Variants in CDH13 observed in about 807,000 individuals in gnomAD.
The protein encoded by CDH13 is cadherin 13.
Under a neutral mutation model 63.8 loss-of-function variants are expected in CDH13, and 24 were observed. The ratio of observed to expected loss-of-function variants is 0.38; its 90% CI spans 0.27 to 0.53. The LOEUF (loss-of-function observed/expected upper bound fraction) is 0.53, where lower values mean the gene tolerates loss of function less well. Among genes scored for constraint, CDH13 ranks in the 20% least tolerant of loss-of-function variants. The probability of loss-of-function intolerance (pLI) is 0.85; values close to 1 mark genes in which losing one functional copy is unlikely to be tolerated. For missense variants in CDH13, 1,049 were observed against 903.1 expected (o/e 1.16, Z -2.07); for synonymous variants, 503 against 355.3 (o/e 1.42, Z -4.67).
intron 10 of CDH13, among the ~76,000 whole-genome samples, chr16:83,714,579 T>C (rs543281458): frequency 1.2e-4 from 18 of 152,322 alleles, no homozygotes; most frequent in African/African-American, 4.1e-4. Context: ...CTTTTACCTA[T>C]TGACTTGGAT....
intron 1 of CDH13, among the ~76,000 whole-genome samples, chr16:82,785,150 G>T (rs954866910): frequency 6.6e-6 from 1 of 152,140 alleles, no homozygotes; most frequent in African/African-American, 2.4e-5. Context: ...GCTTGCGTTC[G>T]GGGCTGGCAG....
At chr16:82,796,388 T>C (rs1462034) in intron 1 of CDH13, among the ~76,000 whole-genome samples, 27,228 of 152,086 alleles carry the variant, frequency 0.18, 2,693 homozygotes, top group East Asian at 0.34. Context: ...ATTCCCTAAA[T>C]AGCCCCGATT....
intron 7 of CDH13, among the ~76,000 whole-genome samples, chr16:83,493,734 A>C (rs1240504502): frequency 1.2e-4 from 19 of 152,246 alleles, no homozygotes. Flanking sequence ...ATCCTACTGT[A>C]AATGGGAAAC....
chr16:83,381,448 A>AT (rs2091565460), intron 6 of CDH13, among the ~76,000 whole-genome samples: 1 of 151,926 alleles, frequency 6.6e-6, no homozygotes, highest in African/African-American at 2.4e-5. Context: ...CATGTTCATG[A>AT]TTTTTTAGCA....
chr16:83,673,050 A>G (rs892745789), intron 9 of CDH13, among the ~76,000 whole-genome samples: 7 of 152,236 alleles, frequency 4.6e-5, no homozygotes, highest in Admixed American at 3.9e-4. Context: ...GCTAGTCCCC[A>G]TGAATAATAT....
At chr16:82,864,166 T>C (rs2040041409) in intron 2 of CDH13, among the ~76,000 whole-genome samples, 1 of 152,226 alleles carries the variant, frequency 6.6e-6, no homozygotes. Context: ...TTTTTGCTCT[T>C]CACTTTTCTG....
intron 4 of CDH13, among the ~76,000 whole-genome samples, chr16:83,132,487 C>T (rs1404642749): frequency 2.5e-5 from 3 of 121,262 alleles, no homozygotes; most frequent in Non-Finnish European, 3.2e-5. Flanking sequence ...CTTTCTCTGT[C>T]ACCAGGCTGG....
At chr16:82,708,741 G>C (rs2031686757) in intron 1 of CDH13, among the ~76,000 whole-genome samples, 1 of 152,164 alleles carries the variant, frequency 6.6e-6, no homozygotes. Flanking sequence ...TATCCAATCA[G>C]ATGACGCTGG....
chr16:83,148,717 T>G (rs1215759604), intron 4 of CDH13, among the ~76,000 whole-genome samples: 1 of 152,230 alleles, frequency 6.6e-6, no homozygotes, highest in Non-Finnish European at 1.5e-5. Flanking sequence ...TCTTTGTACG[T>G]AGGAGTTTTA....
At chr16:82,874,577 A>T (rs1371948914) in intron 2 of CDH13, among the ~76,000 whole-genome samples, 1 of 152,122 alleles carries the variant, frequency 6.6e-6, no homozygotes. Context: ...CAGAGGATCT[A>T]TTTTTAGCTA....
chr16:83,632,672 C>A (rs1015250459), intron 8 of CDH13, among the ~76,000 whole-genome samples: 2 of 149,694 alleles, frequency 1.3e-5, no homozygotes, highest in Non-Finnish European at 3.0e-5. Flanking sequence ...GGGTCCAGAT[C>A]CAGATCCCAA....
At chr16:83,065,211 C>T (rs2031904427) in intron 3 of CDH13, among the ~76,000 whole-genome samples, 2 of 152,086 alleles carry the variant, frequency 1.3e-5, no homozygotes, top group South Asian at 4.1e-4. Flanking sequence ...AGAAGTTATC[C>T]CTGAGGAATC....
intron 10 of CDH13, among the ~76,000 whole-genome samples, chr16:83,728,435 T>G (rs1189227029): frequency 1.3e-5 from 2 of 151,966 alleles, no homozygotes; most frequent in African/African-American, 4.8e-5. Context: ...GTTCAATAGC[T>G]CCTGCCAATA....
chr16:83,061,769 C>G (rs900649931), intron 3 of CDH13, among the ~76,000 whole-genome samples: 1 of 152,186 alleles, frequency 6.6e-6, no homozygotes, highest in Non-Finnish European at 1.5e-5. Flanking sequence ...AGCCTCACCC[C>G]AGATACGGCA....
intron 7 of CDH13, among the ~76,000 whole-genome samples, chr16:83,576,749 G>C (rs6563938): frequency 0.64 from 97,651 of 152,040 alleles, 31,480 homozygotes; most frequent in East Asian, 0.79. Flanking sequence ...TTACATTTAT[G>C]TCATGATTAG....
chr16:83,385,555 T>G (rs1203633369), intron 6 of CDH13, among the ~76,000 whole-genome samples: 1 of 152,164 alleles, frequency 6.6e-6, no homozygotes, highest in Non-Finnish European at 1.5e-5. Flanking sequence ...CTAATGCAAA[T>G]AGGGCTCCTT....
Position 82,899,641 on chromosome 16 carries a change from A to T in CDH13, c.157+41168A>T, listed in dbSNP as rs192704810. On this transcript the variant is annotated intron_variant, in intron 2 of 13. Coordinates refer to ENST00000567109, the MANE Select transcript of CDH13 (RefSeq NM_001257.5). The stretch of plus-strand genomic sequence containing the variant: ...TTTGCGTGTTTTGGAGTATGCATGG[A>T]TTTGGCCTTATAGTTTATTGAGAGC... Among the ~76,000 whole-genome samples the T allele has an allele frequency of 2.2e-4, 33 of 152,086 alleles. No homozygotes were observed. The East Asian group carries it at 6.2e-3, about 29-fold the overall frequency.
intron 7 of CDH13, among the ~76,000 whole-genome samples, chr16:83,494,218 T>C (rs1243582388): frequency 6.6e-6 from 1 of 152,220 alleles, no homozygotes; most frequent in Non-Finnish European, 1.5e-5. Context: ...TTTTTTGTCA[T>C]TTTAAATTTC....
intron 10 of CDH13, among the ~76,000 whole-genome samples, chr16:83,705,925 C>G (rs1449858123): frequency 6.6e-6 from 1 of 152,140 alleles, no homozygotes; most frequent in Non-Finnish European, 1.5e-5. Flanking sequence ...TAAGTCTGCC[C>G]TAGGGCTGGT....
Sources: allele counts gnomAD v4.1 joint callset (sites outside exome capture counted in the v4.1 genomes callset), GRCh38; gene constraint gnomAD v4.1.1; transcripts MANE v1.5; gene names NCBI Gene and HGNC (gene_info 2026-07-23, HGNC 2026-07-21).